Variants in KLHDC4 observed in about 807,000 individuals in gnomAD.
The protein encoded by KLHDC4 is kelch domain containing 4, also known as kelch domain-containing protein 4.
KLHDC4 carries 90 observed loss-of-function variants against 62.4 expected under a neutral mutation model. The ratio of observed to expected loss-of-function variants is 1.44; its 90% CI spans 1.22 to 1.72. The LOEUF is 1.72. Ranked by LOEUF, KLHDC4 falls within the 40% of genes most tolerant of loss-of-function variation. The probability of loss-of-function intolerance (pLI) is 0.00; values close to 1 mark genes in which losing one functional copy is unlikely to be tolerated. For missense variants in KLHDC4, 1,025 were observed against 699.7 expected (o/e 1.47, Z -5.25); for synonymous variants, 386 against 284.4 (o/e 1.36, Z -3.59).
chr16:87,717,520 G>A (rs1222574962), intron 7 of KLHDC4, among the ~76,000 whole-genome samples: 1 of 152,216 alleles, frequency 6.6e-6, no homozygotes, highest in Non-Finnish European at 1.5e-5. Flanking sequence ...CTGAATCTCA[G>A]GAAGTGAAAA....
At chr16:87,717,957 G>T (rs543561435) in intron 7 of KLHDC4, among the ~76,000 whole-genome samples, 1 of 152,182 alleles carries the variant, frequency 6.6e-6, no homozygotes, top group African/African-American at 2.4e-5. Flanking sequence ...GACCATGCAA[G>T]CCAGAGAGGT....
chr16:87,715,954 T>C (rs2036880979), intron 7 of KLHDC4, among the ~76,000 whole-genome samples: 1 of 152,212 alleles, frequency 6.6e-6, no homozygotes, highest in Non-Finnish European at 1.5e-5. Context: ...ACACAGGCTT[T>C]GGGCACGCTC....
At chr16:87,758,418 T>C (rs1597395482) in intron 2 of KLHDC4, among the ~76,000 whole-genome samples, 1 of 152,192 alleles carries the variant, frequency 6.6e-6, no homozygotes, top group African/African-American at 2.4e-5. Context: ...ACTGATGAAC[T>C]TGGACATACC....
chr16:87,743,380 C>G (rs943090811), intron 5 of KLHDC4, among the ~76,000 whole-genome samples: 8 of 152,172 alleles, frequency 5.3e-5, no homozygotes, highest in African/African-American at 1.9e-4. Context: ...CAGGCATGAG[C>G]CACTGCACCC....
downstream of KLHDC4, among the ~76,000 whole-genome samples, chr16:87,702,869 G>A (rs1414439074): frequency 6.6e-6 from 1 of 152,190 alleles, no homozygotes; most frequent in Non-Finnish European, 1.5e-5. Flanking sequence ...TGATGAAGTG[G>A]TTTAAAAAGT....
chr16:87,736,235 A>G (rs994374042), intron 5 of KLHDC4, among the ~76,000 whole-genome samples: 4 of 152,092 alleles, frequency 2.6e-5, no homozygotes, highest in Admixed American at 2.6e-4. Context: ...TGTCCCAGAC[A>G]CTCTAAGCCA....
At chr16:87,714,126 T>C (rs749893441) in intron 8 of KLHDC4, among the ~76,000 whole-genome samples, 1 of 152,104 alleles carries the variant, frequency 6.6e-6, no homozygotes, top group Non-Finnish European at 1.5e-5. Flanking sequence ...CCCCAGTGAC[T>C]CCTGGTGGCT....
At chr16:87,762,437 C>A (rs79315158) in intron 1 of KLHDC4, among the ~76,000 whole-genome samples, 30,049 of 152,034 alleles carry the variant, frequency 0.2, 3,137 homozygotes, top group South Asian at 0.29. Context: ...CTTAGACAAG[C>A]CCATCGTGAC....
At chr16:87,736,304 T>C (rs1257366038) in intron 5 of KLHDC4, among the ~76,000 whole-genome samples, 1 of 152,206 alleles carries the variant, frequency 6.6e-6, no homozygotes, top group African/African-American at 2.4e-5. Flanking sequence ...AAACACAGTC[T>C]GATCATCTTA....
chr16:87,742,647 G>A (rs1035945435), intron 5 of KLHDC4, among the ~76,000 whole-genome samples: 7 of 152,124 alleles, frequency 4.6e-5, no homozygotes, highest in Admixed American at 1.3e-4. Context: ...ACATCAACCT[G>A]CTCTGAATGG....
chr16:87,722,620 T>C (rs1160343192), intron 7 of KLHDC4, among the ~76,000 whole-genome samples: 3 of 152,134 alleles, frequency 2.0e-5, no homozygotes, highest in African/African-American at 7.2e-5. Flanking sequence ...TGAGAGACAA[T>C]GGCCAAGTCT....
intron 8 of KLHDC4, among the ~76,000 whole-genome samples, chr16:87,712,276 T>C (rs1344113288): frequency 6.6e-6 from 1 of 151,276 alleles, no homozygotes; most frequent in Non-Finnish European, 1.5e-5. Flanking sequence ...CCAATGAACA[T>C]TTAAAAAAAA....
intron 2 of KLHDC4, among the ~76,000 whole-genome samples, chr16:87,760,906 G>A (rs62055618): frequency 8.6e-5 from 13 of 152,042 alleles, no homozygotes; most frequent in African/African-American, 2.7e-4. Context: ...GGTGGCTGGC[G>A]CCTGTAATCC....
chr16:87,752,898 G>T (rs1488251328), intron 4 of KLHDC4, among the ~76,000 whole-genome samples: 1 of 152,140 alleles, frequency 6.6e-6, no homozygotes, highest in Admixed American at 6.5e-5. Context: ...CATCAACAAG[G>T]AAAAAACCAG....
intron 7 of KLHDC4, among the ~76,000 whole-genome samples, chr16:87,720,278 G>A (rs960288662): frequency 6.6e-6 from 1 of 152,198 alleles, no homozygotes; most frequent in African/African-American, 2.4e-5. Flanking sequence ...AGTGCTAACG[G>A]CAGCACTGAT....
rs2044684424 is a variant in KLHDC4 at position 87,755,247 on chromosome 16, T to C, written c.316A>G (p.Thr106Ala). 1 of 1,611,702 alleles carries C rather than the reference T, an allele frequency of 6.2e-7. No homozygotes were observed. The highest frequency in any genetic ancestry group is 8.5e-7 in the Non-Finnish European group (1 of 1,177,914). Residue 106 changes from threonine to alanine, a missense_variant, in exon 4 of 12, where the codon ACC (threonine) becomes GCC (alanine). Transcript: ENST00000270583. ...ELYVYNTRKDTWTKVDIPSPP... is the reference protein window; with the variant it reads ...ELYVYNTRKDAWTKVDIPSPP... ...CTGGGGATGTCAACTTTGGTCCAGG[T>C]GTCCTTTCTGGTATTGTAGACATAG...
intron 5 of KLHDC4, among the ~76,000 whole-genome samples, chr16:87,740,305 G>A (rs2042049147): frequency 6.6e-6 from 1 of 152,058 alleles, no homozygotes; most frequent in Non-Finnish European, 1.5e-5. Context: ...CATCCCGAGG[G>A]GACCACCGGC....
chr16:87,735,046 A>G (rs111874029), intron 5 of KLHDC4, among the ~76,000 whole-genome samples: 7,413 of 142,180 alleles, frequency 0.052, 293 homozygotes, highest in South Asian at 0.14. Context: ...TCCCCCCCAG[A>G]CGAATTTCCT....
intron 5 of KLHDC4, chr16:87,740,875 G>A (rs2042132113): frequency 1.3e-5 from 2 of 152,110 alleles, no homozygotes; most frequent in Non-Finnish European, 2.9e-5. Flanking sequence ...ATAAGAAACA[G>A]TACGGAGATC....
Sources: gnomAD v4.1 joint callset for allele counts (sites outside exome capture counted in the v4.1 genomes callset) on GRCh38, gnomAD v4.1.1 for gene constraint, MANE v1.5 for transcripts, NCBI Gene and HGNC (gene_info 2026-07-23, HGNC 2026-07-21) for gene names.